The following ITFG2 variants were observed in gnomAD, a reference collection of about 807,000 sequenced individuals.
The protein encoded by ITFG2 is integrin alpha FG-GAP repeat containing 2, also known as KICSTOR complex protein ITFG2.
ITFG2 carries 36 observed loss-of-function variants against 54.4 expected under a neutral mutation model. The observed-to-expected ratio is 0.66, with a 90% CI of 0.51 to 0.87. ITFG2 has a LOEUF of 0.87. ITFG2 is among the 40% of genes least tolerant of loss of function. The pLI, the probability that ITFG2 is intolerant of heterozygous loss-of-function variation, is 0.00. For synonymous variants in ITFG2, 211 were observed against 225.4 expected (o/e 0.94, Z 0.57); for missense variants, 524 against 576.7 (o/e 0.91, Z 0.94).
At chr12:2,821,626 C>T (rs749754153) in intron 8 of ITFG2, 30 bp downstream of exon 8, 1 of 1,613,904 alleles carries the variant, frequency 6.2e-7, no homozygotes, top group African/African-American at 1.3e-5. Flanking sequence ...GGTGTGGGGG[C>T]TGTATGCCTG....
Position 2,821,674 on chromosome 12 carries a change from C to T in ITFG2, c.848-18C>T. 6.2e-7 allele frequency: 1 copy of T among 1,613,916 alleles called. No individual in the cohort carries two copies. Among genetic ancestry groups the T allele is most frequent in the South Asian group, 1.1e-5 (1 of 91,064 alleles). On this transcript the variant is annotated intron_variant, in intron 8 of 11. Transcript: ENST00000228799. ...GGGGCCTATCCCACCCACACTCAGC[C>T]TGCCTCTCCCCCGGCAGGGACACTG...
intron 2 of ITFG2, among the ~76,000 whole-genome samples, chr12:2,850,850 T>C (rs2098068077): frequency 6.6e-6 from 1 of 151,890 alleles, no homozygotes; most frequent in South Asian, 2.1e-4. Context: ...TTTTATATTT[T>C]TAGTAGAGAT....
upstream of ITFG2, chr12:2,834,786 C>T (rs754716344): frequency 8.7e-6 from 14 of 1,613,794 alleles, no homozygotes; most frequent in South Asian, 3.3e-5. Context: ...CCTGCCCCCT[C>T]GTCCTGGCTT....
At chr12:2,815,412 C>T (rs1285088572) in intron 1 of ITFG2, among the ~76,000 whole-genome samples, 2 of 152,228 alleles carry the variant, frequency 1.3e-5, no homozygotes, top group Non-Finnish European at 2.9e-5. Context: ...ATACAGGGAC[C>T]TCCCTTCTCT....
downstream of ITFG2, chr12:2,827,384 C>G (rs763224793): frequency 2.6e-6 from 4 of 1,533,262 alleles, no homozygotes; most frequent in Non-Finnish European, 3.5e-6. This position sits in a 1 kb window ranked among gnomAD's most constrained non-coding sequence, Gnocchi z 4.0. Context: ...CCTCCCACTT[C>G]CCACAGCTTC....
At chr12:2,856,287 T>A (rs1457919644) in intron 2 of ITFG2, among the ~76,000 whole-genome samples, 5 of 152,210 alleles carry the variant, frequency 3.3e-5, no homozygotes, top group African/African-American at 1.2e-4. Context: ...TGAAATGAAA[T>A]GGCCTTACTT....
chr12:2,834,611 G>T (rs974058614), upstream of ITFG2: 1 of 1,542,662 alleles, frequency 6.5e-7, no homozygotes, highest in Non-Finnish European at 8.7e-7. Context: ...AAAGGCCAGG[G>T]GACGCTGGCA....
chr12:2,847,739 A>G lies in ITFG2; in HGVS notation n.300+6744A>G, dbSNP rs1194620673. ...TTCCTCCAAGCCCCTGATATCTTCT[A>G]TTCAACTTTCTGTCTCTATACGTTT... On this transcript the variant is annotated intron_variant and non_coding_transcript_variant, in intron 2 of 3. Coordinates refer to the ITFG2 transcript ENST00000537710. Among the ~76,000 whole-genome samples, 3 of 151,434 alleles carry G rather than the reference A, an allele frequency of 2.0e-5. No individual in the cohort carries two copies. In the East Asian group the frequency reaches 5.8e-4, roughly 29 times the overall value.
intron 2 of ITFG2, among the ~76,000 whole-genome samples, chr12:2,855,771 C>G (rs2098085284): frequency 6.6e-6 from 1 of 152,198 alleles, no homozygotes; most frequent in Admixed American, 6.5e-5. Flanking sequence ...CATTCCCACC[C>G]AGGAACTGGT....
At chr12:2,834,902 C>G, upstream of ITFG2, 8 of 1,613,896 alleles carry the variant, frequency 5.0e-6, no homozygotes, top group Non-Finnish European at 6.8e-6. Flanking sequence ...CTGCTTCTTC[C>G]TGCCTGTCTC....
At chr12:2,828,953 T>G (rs2097985303), downstream of ITFG2, among the ~76,000 whole-genome samples, 1 of 152,108 alleles carries the variant, frequency 6.6e-6, no homozygotes, top group Non-Finnish European at 1.5e-5. Flanking sequence ...ATGCTTGTAG[T>G]TCTAGCACTT....
At chr12:2,844,566 A>G (rs2098049114) in intron 2 of ITFG2, among the ~76,000 whole-genome samples, 1 of 152,204 alleles carries the variant, frequency 6.6e-6, no homozygotes, top group East Asian at 1.9e-4. Flanking sequence ...AATAATAATT[A>G]TAATAAATTA....
chr12:2,826,767 G>A (rs1288321343), downstream of ITFG2: 1 of 215,518 alleles, frequency 4.6e-6, no homozygotes, highest in East Asian at 1.8e-4. Flanking sequence ...TGGCGGTCTA[G>A]TTGTGGGAGA....
rs1357059382 is a variant in ITFG2 at position 2,818,232 on chromosome 12, C to T, written c.361C>T (p.Gln121Ter). 1.9e-6 allele frequency: 3 copies of T among 1,613,782 alleles called. No homozygotes were observed. Among genetic ancestry groups the T allele is most frequent in the East Asian group, 2.2e-5 (1 of 44,894 alleles). ...AGAGGAGCAGCGTCCAGTCTTCAAG[C>T]AGCACATCCCTGCCAACACCAAGGT... ...IGEEQRPVFK[Q>*]HIPANTKVML... The change falls in exon 4 of 12, where the codon CAG (glutamine) becomes TAG (stop). Residue 121 changes from glutamine to a stop codon, truncating the protein, a stop_gained. Coordinates refer to ENST00000228799, the MANE Select transcript of ITFG2 (RefSeq NM_018463.4). LOFTEE classifies it high-confidence loss of function.
intron 1 of ITFG2, among the ~76,000 whole-genome samples, chr12:2,838,992 A>T (rs568857487): frequency 2.5e-4 from 36 of 143,024 alleles, no homozygotes; most frequent in South Asian, 8.7e-4. Context: ...ACAGAGAATT[A>T]AAAAAAAAAA....
chr12:2,848,877 G>GCGCACACACACA (rs1555092608), intron 2 of ITFG2, among the ~76,000 whole-genome samples: 56 of 140,270 alleles, frequency 4.0e-4, no homozygotes, highest in African/African-American at 1.4e-3. Context: ...ACACACACAC[G>GCGCACACACACA]CACACACACA....
At chr12:2,825,352 G>A (rs1235918990), downstream of ITFG2, 2 of 152,296 alleles carry the variant, frequency 1.3e-5, no homozygotes, top group African/African-American at 2.4e-5. Context: ...TCGACATAGA[G>A]AAACAAGAGT....
intron 2 of ITFG2, among the ~76,000 whole-genome samples, chr12:2,847,463 C>T (rs550912548): frequency 6.6e-5 from 10 of 152,036 alleles, no homozygotes; most frequent in South Asian, 2.1e-4. Flanking sequence ...GTCAGGAGAT[C>T]GAGCCCATCC....
chr12:2,841,198 C>T (rs1053587225), intron 2 of ITFG2, among the ~76,000 whole-genome samples: 2 of 152,234 alleles, frequency 1.3e-5, no homozygotes, highest in African/African-American at 2.4e-5. Context: ...GTCTATACCA[C>T]GAGCAAGCCC....
Sources: gnomAD v4.1 joint callset for allele counts (sites outside exome capture counted in the v4.1 genomes callset) on GRCh38, gnomAD v4.1.1 for gene constraint, Gnocchi (gnomAD v3.1) non-coding constraint, MANE v1.5 for transcripts, NCBI Gene and HGNC (gene_info 2026-07-23, HGNC 2026-07-21) for gene names.